Variants in NEO1 observed in about 807,000 individuals in gnomAD.
NEO1 encodes the protein neogenin.
Under a neutral mutation model 159.7 loss-of-function variants are expected in NEO1, and 63 were observed. That is an observed-to-expected ratio of 0.39 (90% CI 0.32 to 0.49). The LOEUF (loss-of-function observed/expected upper bound fraction) is 0.49. NEO1 is among the 20% of genes least tolerant of loss of function. The pLI is 0.85. For missense variants in NEO1, 1,615 were observed against 1,831.0 expected, an observed-to-expected ratio of 0.88 and a Z score of 2.15; for synonymous variants, 633 against 662.0, an observed-to-expected ratio of 0.96 and a Z score of 0.67.
intron 5 of NEO1, among the ~76,000 whole-genome samples, chr15:73,152,609 T>C (rs1000736916): frequency 7.9e-5 from 12 of 151,446 alleles, no homozygotes; most frequent in African/African-American, 2.9e-4. Context: ...AGAGAGGGAG[T>C]CCTGGGAACC....
At chr15:73,259,814 A>AG (rs1474449936) in intron 14 of NEO1, among the ~76,000 whole-genome samples, 1 of 152,172 alleles carries the variant, frequency 6.6e-6, no homozygotes, top group Non-Finnish European at 1.5e-5. Flanking sequence ...CATACTACTT[A>AG]GGGGAGTAAA....
intron 7 of NEO1, among the ~76,000 whole-genome samples, chr15:73,215,510 A>T (rs746737586): frequency 1.6e-4 from 25 of 152,174 alleles, no homozygotes; most frequent in African/African-American, 6.0e-4. Flanking sequence ...GATTTTGTCA[A>T]ATGCTTTCTC....
chr15:73,152,710 A>G (rs1432988483), intron 5 of NEO1, among the ~76,000 whole-genome samples: 1 of 152,060 alleles, frequency 6.6e-6, no homozygotes, highest in Non-Finnish European at 1.5e-5. Flanking sequence ...AGCCCTCATC[A>G]TGTGCAATCT....
intron 15 of NEO1, among the ~76,000 whole-genome samples, chr15:73,263,044 G>A (rs1423457294): frequency 6.6e-6 from 1 of 151,938 alleles, no homozygotes; most frequent in African/African-American, 2.4e-5. Flanking sequence ...CAACTACAAG[G>A]GCACCAGGGA....
intron 1 of NEO1, among the ~76,000 whole-genome samples, chr15:73,110,126 A>G (rs1037023464): frequency 1.6e-4 from 24 of 152,224 alleles, no homozygotes; most frequent in African/African-American, 5.8e-4. Context: ...TCTGAACCGC[A>G]TAGTGATAGT....
intron 1 of NEO1, among the ~76,000 whole-genome samples, chr15:73,114,789 G>A (rs958743296): frequency 2.0e-5 from 3 of 152,066 alleles, no homozygotes; most frequent in African/African-American, 7.2e-5. Context: ...TCTGAGTTAA[G>A]TTTGGGGGGT....
chr15:73,222,885 GCT>G (rs1400978989), intron 7 of NEO1, among the ~76,000 whole-genome samples: 1 of 152,074 alleles, frequency 6.6e-6, no homozygotes, highest in African/African-American at 2.4e-5. Context: ...GTCAGTTTGT[GCT>G]CTTTCAGTCT....
rs752741044 is a variant in NEO1 at position 73,122,553 on chromosome 15, A to G, written c.477A>G (p.Glu159=). 1 of 1,614,088 alleles carries G rather than the reference A, an allele frequency of 6.2e-7. No homozygotes were observed. Among genetic ancestry groups the G allele is most frequent in the Non-Finnish European group, 8.5e-7 (1 of 1,179,988 alleles). Residue 159 remains glutamate, a synonymous_variant, in exon 3 of 29, where the codon GAA becomes GAG. Coordinates refer to ENST00000261908, the MANE Select transcript of NEO1 (RefSeq NM_002499.4). The stretch of plus-strand genomic sequence containing the variant: ...TTCCAAGATTTACCAGCCAACCAGA[A>G]CCTTCCTCAGTTTATGCTGGGAACA... ...AGLPRFTSQP[E]PSSVYAGNNA...
At chr15:73,107,172 T>C (rs1449781235) in intron 1 of NEO1, among the ~76,000 whole-genome samples, 1 of 152,204 alleles carries the variant, frequency 6.6e-6, no homozygotes, top group Non-Finnish European at 1.5e-5. Flanking sequence ...ATCATTATGA[T>C]TTTTTAAACC....
intron 5 of NEO1, among the ~76,000 whole-genome samples, chr15:73,172,950 A>C (rs956301287): frequency 6.6e-6 from 1 of 152,150 alleles, no homozygotes; most frequent in African/African-American, 2.4e-5. Flanking sequence ...CAGATAAATA[A>C]CTTAGGTTTA....
chr15:73,263,324 G>A (rs1296698332), intron 15 of NEO1, among the ~76,000 whole-genome samples: 1 of 151,656 alleles, frequency 6.6e-6, no homozygotes, highest in African/African-American at 2.4e-5. Context: ...CTCCTGAGTA[G>A]CTGGGATTAC....
At chr15:73,072,496 T>C (rs1230494500) in intron 1 of NEO1, among the ~76,000 whole-genome samples, 2 of 152,222 alleles carry the variant, frequency 1.3e-5, no homozygotes, top group Non-Finnish European at 2.9e-5. Flanking sequence ...TAAACCTTTA[T>C]TGAGTACATG....
Position 73,287,514 on chromosome 15 carries a change from A to G in NEO1, c.3411-799A>G, listed in dbSNP as rs564546741. ...AAGTAAGAGAGTGAATGGAGAAGCT[A>G]AAACACAGAGAAGTAGACATTGTTG... On this transcript the variant is annotated intron_variant, in intron 23 of 28. Transcript: ENST00000261908. Among the ~76,000 whole-genome samples, 9 of 152,338 alleles carry G rather than the reference A, an allele frequency of 5.9e-5. No individual in the cohort carries two copies. The South Asian group carries it at 1.7e-3, about 28-fold the overall frequency.
intron 25 of NEO1, among the ~76,000 whole-genome samples, chr15:73,290,040 A>G (rs2042101699): frequency 6.6e-6 from 1 of 152,062 alleles, no homozygotes; most frequent in African/African-American, 2.4e-5. Flanking sequence ...GGAGGCTGAG[A>G]TGGAAGGATT....
At chr15:73,244,286 G>C in intron 8 of NEO1, 58 bp from the exon 9 acceptor site, 3 of 1,535,604 alleles carry the variant, frequency 2.0e-6, no homozygotes, top group South Asian at 1.3e-5. Flanking sequence ...AAATGAAACT[G>C]TACATTCTGG....
intron 1 of NEO1, among the ~76,000 whole-genome samples, chr15:73,114,860 A>C (rs1456805575): frequency 6.6e-6 from 1 of 152,148 alleles, no homozygotes; most frequent in Non-Finnish European, 1.5e-5. Flanking sequence ...TAGTTTAGCT[A>C]TCTTTTTATA....
rs139536343 is a variant in NEO1, at chr15:73,068,615, G to A, written c.130+15810G>A. On this transcript the variant is annotated intron_variant, in intron 1 of 28. Transcript: ENST00000261908. Reference sequence around the variant, plus strand: ...ATGGGTCCGTCCACATATGCTTGTCGCTATTCTGTGATTTCCAGTGGAGGT... The same window carrying A: ...ATGGGTCCGTCCACATATGCTTGTCACTATTCTGTGATTTCCAGTGGAGGT... 3.6e-3 allele frequency among the ~76,000 whole-genome samples: 551 copies of A among 152,090 alleles called. 3 individuals carry two copies. The highest frequency in any genetic ancestry group is 0.013 in the African/African-American group (519 of 41,484).
In NEO1 at chr15:73,288,692, G is replaced by A. The variant is rs2042044149; in HGVS notation, c.3649+141G>A. 7.0e-6 allele frequency: 5 copies of A among 709,708 alleles called. No homozygotes were observed. The South Asian group carries it at 9.3e-5, about 13-fold the overall frequency. The allele number at this position is 709,708 out of a possible 1,614,324, so 44.0% of individuals were successfully genotyped here. On this transcript the variant is annotated intron_variant, in intron 24 of 28. Coordinates refer to ENST00000261908, the MANE Select transcript of NEO1 (RefSeq NM_002499.4). ...AGAGAAATGTGTATGATAAGATTTG[G>A]GAACATATGATGAAGAATACCTAGC...
chr15:73,249,131 G>C lies in NEO1; in HGVS notation c.1678G>C (p.Glu560Gln). 1.2e-6 allele frequency: 2 copies of C among 1,614,050 alleles called. No individual in the cohort carries two copies. The part of the protein sequence containing the change: ...ASPTSITVTW[E>Q]TPVSGNGEIQ... ...GCCTACCTCCATCACTGTTACGTGGGAAACACCAGTGTCTGGCAATGGGGA... is the reference window on the plus strand; with the variant it reads ...GCCTACCTCCATCACTGTTACGTGGCAAACACCAGTGTCTGGCAATGGGGA... Residue 560 changes from glutamate to glutamine, a missense_variant, in exon 10 of 29, where the codon GAA (glutamate) becomes CAA (glutamine). Physicochemically the swap from Glu to Gln is conservative, Grantham distance 29. This residue lies in a region of NEO1 where 1,018 missense variants were observed against 1,115.4 expected (regional missense o/e 0.91). Transcript: ENST00000261908.
Sources: gnomAD v4.1 joint callset for allele counts (sites outside exome capture counted in the v4.1 genomes callset) on GRCh38, gnomAD v4.1.1 for gene constraint, gnomAD v4.1.1 regional missense constraint, MANE v1.5 for transcripts, NCBI Gene and HGNC (gene_info 2026-07-23, HGNC 2026-07-21) for gene names.